USP45: variants seen among roughly 807,000 people sequenced by gnomAD.
USP45 encodes ubiquitin specific peptidase 45, also known as ubiquitin carboxyl-terminal hydrolase 45.
Under a neutral mutation model 95.8 loss-of-function variants are expected in USP45, and 89 were observed. The ratio of observed to expected loss-of-function variants is 0.93; its 90% CI spans 0.78 to 1.11. USP45 has a LOEUF of 1.11. Among genes scored for constraint, USP45 ranks in the 50% least tolerant of loss-of-function variants. USP45 has a pLI of 0.00. For missense variants in USP45, 898 were observed against 942.5 expected, an observed-to-expected ratio of 0.95 and a Z score of 0.62; for synonymous variants, 281 against 316.2, an observed-to-expected ratio of 0.89 and a Z score of 1.18.
intron 7 of USP45, among the ~76,000 whole-genome samples, chr6:99,485,175 CAA>C (rs1190400783): frequency 1.0e-4 from 9 of 88,684 alleles, no homozygotes; most frequent in East Asian, 3.0e-4. Context: ...ACTAAAAATA[CAA>C]AAAAAAAAAA....
chr6:99,461,771 C>T (rs994857847), intron 13 of USP45: 12 of 983,690 alleles, frequency 1.2e-5, no homozygotes, highest in South Asian at 4.7e-5. Context: ...TTAAAAGATG[C>T]AAGGTGCTTC....
chr6:99,460,637 A>G (rs1562338922), intron 13 of USP45, among the ~76,000 whole-genome samples: 1 of 152,210 alleles, frequency 6.6e-6, no homozygotes, highest in Non-Finnish European at 1.5e-5. Context: ...TCTATTTTGA[A>G]GTATATTGAT....
At chr6:99,437,964 G>C (rs1362945761) in intron 16 of USP45, among the ~76,000 whole-genome samples, 2 of 152,170 alleles carry the variant, frequency 1.3e-5, no homozygotes, top group Non-Finnish European at 2.9e-5. Flanking sequence ...GGCCTATGCA[G>C]GGATATTTCA....
At chr6:99,474,003 A>G (rs1345374638) in intron 9 of USP45, among the ~76,000 whole-genome samples, 1 of 152,242 alleles carries the variant, frequency 6.6e-6, no homozygotes, top group South Asian at 2.1e-4. Flanking sequence ...GAATTCAATT[A>G]GCTTAATAAG....
chr6:99,443,530 A>G (rs776435935), intron 15 of USP45, 35 bp downstream of exon 15: 27 of 1,445,328 alleles, frequency 1.9e-5, no homozygotes, highest in Non-Finnish European at 2.5e-5. Context: ...TGTAAAACAC[A>G]TGATGAAAAT....
chr6:99,515,535 C>G (rs1198141842), upstream of USP45: 4 of 152,142 alleles, frequency 2.6e-5, no homozygotes, highest in East Asian at 7.8e-4. Context: ...GGCCCGGGAG[C>G]GCGGGGAGGG....
intron 5 of USP45, 49 bp downstream of exon 5, chr6:99,503,716 T>C (rs779483801): frequency 1.6e-6 from 2 of 1,252,480 alleles, no homozygotes; most frequent in Non-Finnish European, 2.3e-6. Flanking sequence ...GAACTCTATA[T>C]GAAATACTGT....
intron 5 of USP45, chr6:99,501,947 C>A (rs1201468931): frequency 1.5e-6 from 2 of 1,300,692 alleles, no homozygotes; most frequent in Non-Finnish European, 2.0e-6. Context: ...TATCAACAAA[C>A]TGACTCACTG....
intron 5 of USP45, among the ~76,000 whole-genome samples, chr6:99,491,892 T>C (rs1795246924): frequency 6.6e-6 from 1 of 152,066 alleles, no homozygotes; most frequent in Non-Finnish European, 1.5e-5. Flanking sequence ...ACTATATATG[T>C]TTTATATACT....
At chr6:99,514,128 T>G (rs540293647) in intron 1 of USP45, among the ~76,000 whole-genome samples, 1 of 152,296 alleles carries the variant, frequency 6.6e-6, no homozygotes, top group East Asian at 1.9e-4. Context: ...GGACTCAACA[T>G]ATAGTTGAAT....
rs368580112 is a variant in USP45, at chr6:99,437,394, T to G, written c.2166A>C (p.Ala722=). Residue 722 remains alanine (A), a synonymous_variant, in exon 17 of 18, where the codon GCA becomes GCC. Coordinates refer to ENST00000500704, the MANE Select transcript of USP45 (RefSeq NM_001346022.3). ...CGTAGAGAACTTTATCTCCCACACT[T>G]GCATTCTTTTAAACAAAGAAAAAAA... is the stretch of plus-strand genomic sequence containing the variant. ...APFCSATCKN[A]SVGDKVLYGL... 1.0e-5 allele frequency: 16 copies of G among 1,584,766 alleles called. No homozygotes were observed. The highest frequency in any genetic ancestry group is 2.0e-5 in the Admixed American group (1 of 50,154).
intron 16 of USP45, 72 bp downstream of exon 16, chr6:99,439,697 T>C (rs1781158680): frequency 1.9e-6 from 2 of 1,076,496 alleles, no homozygotes; most frequent in African/African-American, 1.7e-5. Context: ...GAAAAAGCAT[T>C]GTCTAATAAT....
intron 5 of USP45, among the ~76,000 whole-genome samples, chr6:99,492,252 C>T (rs1008991732): frequency 5.1e-4 from 78 of 152,316 alleles, no homozygotes; most frequent in Admixed American, 3.8e-3. Context: ...GATATATCCA[C>T]GCTTCACTGT....
At chr6:99,454,378 ACACT>A (rs778545283) in intron 13 of USP45, among the ~76,000 whole-genome samples, 37 of 152,316 alleles carry the variant, frequency 2.4e-4, no homozygotes, top group Admixed American at 1.2e-3. Flanking sequence ...CATAGGAGAA[ACACT>A]CAGGACATTA....
In USP45 at chr6:99,508,685, T is replaced by G. The variant is rs1228466165; in HGVS notation, c.198A>C (p.Leu66Phe). 6.2e-7 allele frequency: 1 copy of G among 1,613,876 alleles called. No homozygotes were observed. Among genetic ancestry groups the G allele is most frequent in the Non-Finnish European group, 8.5e-7 (1 of 1,179,932 alleles). Reference sequence around the variant, plus strand: ...GCCCATCATAGAATCTTCTTTCTTTTAAACATTCTGAGCAAACTGACCACA... The same window carrying G: ...GCCCATCATAGAATCTTCTTTCTTTGAAACATTCTGAGCAAACTGACCACA... ...ENLWSVCSEC[L>F]KERRFYDGQL... The change falls in exon 3 of 18, where the codon TTA becomes TTC. Residue 66 changes from leucine to phenylalanine, a missense_variant. Leu to Phe is a conservative substitution (Grantham distance 22, BLOSUM62 0). Transcript: ENST00000500704.
intron 13 of USP45, among the ~76,000 whole-genome samples, chr6:99,462,973 C>T (rs1786885063): frequency 6.6e-6 from 1 of 151,878 alleles, no homozygotes; most frequent in Admixed American, 6.6e-5. Context: ...CAGTGTGAGA[C>T]TCTGTCTCAA....
At chr6:99,474,199 G>T (rs1034338760) in intron 9 of USP45, among the ~76,000 whole-genome samples, 1 of 151,996 alleles carries the variant, frequency 6.6e-6, no homozygotes, top group Admixed American at 6.6e-5. Flanking sequence ...AATTAAAACA[G>T]GATTTTTGTT....
At position 99,446,310 on chromosome 6, in the gene USP45, C is replaced by G; in HGVS notation, c.1462G>C (p.Asp488His). The change falls in exon 14 of 18, where the codon GAT becomes CAT. Residue 488 changes from aspartate to histidine, a missense_variant. Physicochemically the swap from Asp to His is moderately conservative, Grantham distance 81. Coordinates refer to ENST00000500704, the MANE Select transcript of USP45 (RefSeq NM_001346022.3). ...TGGCTGGCTTCTTTTTCACTGTCAT[C>G]AGTAGGGCTTTCATTCAGACGTGAC... ...SESRLNESPT[D>H]DSEKEASHSE... is the part of the protein sequence containing the mutation. 6.2e-7 allele frequency: 1 copy of G among 1,614,198 alleles called. No individual in the cohort carries two copies. Among genetic ancestry groups the G allele is most frequent in the Non-Finnish European group, 8.5e-7 (1 of 1,180,034 alleles).
chr6:99,453,634 T>TC (rs1168760097), intron 13 of USP45, among the ~76,000 whole-genome samples: 5 of 152,312 alleles, frequency 3.3e-5, no homozygotes, highest in Non-Finnish European at 7.3e-5. Flanking sequence ...ATGACGTTTT[T>TC]CACATAAAAA....
Sources: gnomAD v4.1 joint callset for allele counts (sites outside exome capture counted in the v4.1 genomes callset) on GRCh38, gnomAD v4.1.1 for gene constraint, MANE v1.5 for transcripts, NCBI Gene and HGNC (gene_info 2026-07-23, HGNC 2026-07-21) for gene names.